The following NIPAL3 variants were observed in gnomAD, a reference collection of about 807,000 sequenced individuals.
NIPAL3 encodes the protein NIPA-like protein 3.
Under a neutral mutation model 47.2 loss-of-function variants are expected in NIPAL3, and 41 were observed. That is an observed-to-expected ratio of 0.87 (90% confidence interval 0.68 to 1.13). The LOEUF is 1.13. Ranked by LOEUF, NIPAL3 falls within the 50% of genes most tolerant of loss-of-function variation. The pLI is 0.00. For missense variants in NIPAL3, 449 were observed against 530.1 expected (o/e 0.85, Z 1.50); for synonymous variants, 194 against 209.6 (o/e 0.93, Z 0.64).
intron 3 of NIPAL3, among the ~76,000 whole-genome samples, chr1:24,441,338 C>T (rs1645374025): frequency 6.6e-6 from 1 of 152,198 alleles, no homozygotes; most frequent in Non-Finnish European, 1.5e-5. Context: ...TCTCTTCTTT[C>T]TCCAGGGCAG....
chr1:24,418,314 C>G (rs1644153450), intron 1 of NIPAL3, among the ~76,000 whole-genome samples: 1 of 152,220 alleles, frequency 6.6e-6, no homozygotes, highest in Admixed American at 6.5e-5. Flanking sequence ...TCCTAGGACA[C>G]TAGAAGTATA....
At position 24,449,703 on chromosome 1, in the gene NIPAL3, C is replaced by A; in HGVS notation, c.540+77C>A. 6.8e-7 allele frequency: 1 copy of A among 1,479,764 alleles called. No individual in the cohort carries two copies. Among genetic ancestry groups the A allele is most frequent in the Middle Eastern group, 1.8e-4 (1 of 5,710 alleles). The allele number at this position is 1,479,764 out of a possible 1,614,324, so 91.7% of individuals were successfully genotyped here. ...TCCTAGAAACCAGAAACGTGAATAC[C>A]CAGCAATAGGGGATTCCGTGAGTTG... On this transcript the variant is annotated intron_variant, in intron 6 of 11. Coordinates refer to ENST00000374399, the MANE Select transcript of NIPAL3 (RefSeq NM_020448.5). The surrounding 1 kb of genome is among the most constrained non-coding windows in gnomAD (Gnocchi z 4.5).
At chr1:24,462,189 C>G (rs1646501790) in intron 10 of NIPAL3, among the ~76,000 whole-genome samples, 1 of 152,164 alleles carries the variant, frequency 6.6e-6, no homozygotes. Flanking sequence ...CACTCACTAT[C>G]ATGAGAACAG....
At chr1:24,434,186 C>G (rs778727903) in intron 2 of NIPAL3, among the ~76,000 whole-genome samples, 18 of 152,002 alleles carry the variant, frequency 1.2e-4, no homozygotes, top group Non-Finnish European at 2.6e-4. Flanking sequence ...CAAGTATGTG[C>G]TATCTACAAA....
rs558317618 is a variant in NIPAL3 at position 24,449,204 on chromosome 1, C to T, written c.395-277C>T. ...AATGTTCTCTTTCTCCATCTGGGAG[C>T]TGGTTTCATGAGTGTGTTCACTTTG... is the stretch of plus-strand genomic sequence containing the variant. On this transcript the variant is annotated intron_variant, in intron 5 of 11. Transcript: ENST00000374399. This position sits in a 1 kb window ranked among gnomAD's most constrained non-coding sequence, Gnocchi z 4.5. 6.6e-6 allele frequency among the ~76,000 whole-genome samples: 1 copy of T among 152,312 alleles called. No homozygotes were observed. Among genetic ancestry groups the T allele is most frequent in the Non-Finnish European group, 1.5e-5 (1 of 68,022 alleles).
In NIPAL3 at chr1:24,466,007, C is replaced by G. The variant is rs1326846830; in HGVS notation, c.1021+1887C>G. ...ATCTTGCCTTTTGTCTACCTAGATT[C>G]ATATCTTCACAACAGACAACTGCTG... On this transcript the variant is annotated intron_variant, in intron 11 of 11. Coordinates refer to ENST00000374399, the MANE Select transcript of NIPAL3 (RefSeq NM_020448.5). The G allele has an allele frequency of 1.9e-6, 3 of 1,610,770 alleles. No homozygotes were observed. In the Admixed American group the frequency reaches 5.0e-5, roughly 27 times the overall value.
At chr1:24,435,384 T>C (rs773409091) in intron 2 of NIPAL3, among the ~76,000 whole-genome samples, 6 of 152,264 alleles carry the variant, frequency 3.9e-5, no homozygotes, top group Non-Finnish European at 5.9e-5. Flanking sequence ...AGTTCCTTCA[T>C]TGGTGGCTTC....
chr1:24,426,255 G>A (rs1276768988), intron 2 of NIPAL3, among the ~76,000 whole-genome samples: 2 of 151,484 alleles, frequency 1.3e-5, no homozygotes, highest in African/African-American at 4.8e-5. Flanking sequence ...TTATGCCTGT[G>A]TATGTTAATA....
At chr1:24,467,481 A>T (rs11249121) in intron 11 of NIPAL3, among the ~76,000 whole-genome samples, 27,214 of 151,950 alleles carry the variant, frequency 0.18, 2,698 homozygotes, top group Admixed American at 0.27. Context: ...CGTCTCAAAA[A>T]AAATAAATAA....
Position 24,454,245 on chromosome 1 carries a change from TGAG to T in NIPAL3, c.637+745_637+747del. The T allele has an allele frequency of 8.5e-7, 1 of 1,173,436 alleles. No homozygotes were observed. The highest frequency in any genetic ancestry group is 1.1e-6 in the Non-Finnish European group (1 of 936,476). 72.7% of individuals were successfully genotyped at this position (1,173,436 alleles called of 1,614,324 possible). On this transcript the variant is annotated intron_variant, in intron 7 of 11. Transcript: ENST00000374399. This position sits in a 1 kb window ranked among gnomAD's most constrained non-coding sequence, Gnocchi z 4.1. ...AGAGCTGTGGGGAATCCATCCTTCC[TGAG>T]GAGAAGCAGACAGAGGCGGAGGAGC...
At chr1:24,465,435 A>G (rs1379738619) in intron 11 of NIPAL3, 1 of 152,108 alleles carries the variant, frequency 6.6e-6, no homozygotes, top group Non-Finnish European at 1.5e-5. Context: ...GTATATATAT[A>G]TATATATAGA....
chr1:24,465,342 CTGTG>C (rs986990852), intron 11 of NIPAL3: 10 of 152,032 alleles, frequency 6.6e-5, no homozygotes, highest in African/African-American at 2.4e-4. Context: ...GGTGTCAACT[CTGTG>C]TGTGCAAGTA....
At chr1:24,446,007 G>A (rs558680389) in intron 5 of NIPAL3, among the ~76,000 whole-genome samples, 7 of 152,076 alleles carry the variant, frequency 4.6e-5, no homozygotes, top group African/African-American at 1.4e-4. Flanking sequence ...CCCATGTTGT[G>A]TTATAGGTGC....
At chr1:24,441,649 T>C (rs1444538392) in intron 3 of NIPAL3, among the ~76,000 whole-genome samples, 1 of 152,118 alleles carries the variant, frequency 6.6e-6, no homozygotes, top group East Asian at 1.9e-4. Flanking sequence ...TCCTGGAAAC[T>C]GCAGAGAGAG....
At position 24,448,009 on chromosome 1, in the gene NIPAL3, C is replaced by A. The variant is rs569315900; in HGVS notation, c.395-1472C>A. On this transcript the variant is annotated intron_variant, in intron 5 of 11. Coordinates refer to ENST00000374399, the MANE Select transcript of NIPAL3 (RefSeq NM_020448.5). ...AGGTGTGGAGATGAGTAAGACCCAT[C>A]CCTGCCTGAAGAAAACTTTAGATAA... Among the ~76,000 whole-genome samples the A allele has an allele frequency of 1.4e-3, 210 of 152,350 alleles. 2 individuals carry two copies. Among genetic ancestry groups the A allele is most frequent in the African/African-American group, 4.7e-3 (197 of 41,580 alleles).
At chr1:24,436,820 T>C (rs1645135266) in intron 2 of NIPAL3, among the ~76,000 whole-genome samples, 1 of 152,066 alleles carries the variant, frequency 6.6e-6, no homozygotes, top group African/African-American at 2.4e-5. Flanking sequence ...TTATATGTGA[T>C]GACCAGGGTT....
At chr1:24,414,051 C>CT (rs921807698), upstream of NIPAL3, 184 of 149,586 alleles carry the variant, frequency 1.2e-3, 1 homozygote, top group South Asian at 5.5e-3. Context: ...AGCCCTGTTT[C>CT]TTTTTTTTTT....
intron 7 of NIPAL3, among the ~76,000 whole-genome samples, 177 bp downstream of exon 7, chr1:24,453,681 C>T (rs1235393520): frequency 6.6e-6 from 1 of 152,090 alleles, no homozygotes; most frequent in East Asian, 1.9e-4. Flanking sequence ...CGGAGGCAAA[C>T]TCCTGTGCTC....
At chr1:24,427,064 G>A (rs2148764608) in intron 2 of NIPAL3, among the ~76,000 whole-genome samples, 1 of 152,342 alleles carries the variant, frequency 6.6e-6, no homozygotes, top group Middle Eastern at 3.4e-3. Context: ...GACATACAAG[G>A]TGGTTCCTCA....
Sources: gnomAD v4.1 joint callset for allele counts (sites outside exome capture counted in the v4.1 genomes callset) on GRCh38, gnomAD v4.1.1 for gene constraint, Gnocchi (gnomAD v3.1) non-coding constraint, MANE v1.5 for transcripts, NCBI Gene and HGNC (gene_info 2026-07-23, HGNC 2026-07-21) for gene names.